The following USH2A variants were observed in gnomAD, a reference collection of about 807,000 sequenced individuals.
USH2A encodes usherin.
USH2A carries 443 observed loss-of-function variants against 538.9 expected under a neutral mutation model. That is an observed-to-expected ratio of 0.82 (90% CI 0.76 to 0.89). The LOEUF is 0.89. USH2A is among the 40% of genes least tolerant of loss of function. The pLI, the probability that USH2A is intolerant of heterozygous loss-of-function variation, is 0.00. For missense variants in USH2A, 6,633 were observed against 6,324.8 expected, an observed-to-expected ratio of 1.05 and a Z score of -1.65; for synonymous variants, 2,413 against 2,273.5, an observed-to-expected ratio of 1.06 and a Z score of -1.75.
chr1:215,688,709 T>C (rs892810213), intron 61 of USH2A, among the ~76,000 whole-genome samples: 15 of 152,282 alleles, frequency 9.9e-5, no homozygotes, highest in African/African-American at 3.4e-4. Flanking sequence ...CTGGTGTCTC[T>C]TCTTCTTATA....
chr1:215,797,749 A>T (rs967321266), intron 50 of USH2A, among the ~76,000 whole-genome samples: 2 of 152,176 alleles, frequency 1.3e-5, no homozygotes, highest in Non-Finnish European at 2.9e-5. Flanking sequence ...CTGACAATTC[A>T]TCTGGTCACT....
intron 13 of USH2A, among the ~76,000 whole-genome samples, chr1:216,242,950 T>C (rs913065879): frequency 1.3e-5 from 2 of 152,192 alleles, no homozygotes; most frequent in Admixed American, 1.3e-4. Context: ...GTTCTCTGAT[T>C]AAATTAAGAA....
chr1:215,998,237 T>A (rs546055705), intron 34 of USH2A, among the ~76,000 whole-genome samples: 1 of 152,106 alleles, frequency 6.6e-6, no homozygotes, highest in Non-Finnish European at 1.5e-5. Context: ...AAAAAGATTA[T>A]ATTTCATCAA....
intron 58 of USH2A, among the ~76,000 whole-genome samples, chr1:215,747,952 C>T (rs1395027331): frequency 6.7e-6 from 1 of 149,678 alleles, no homozygotes; most frequent in African/African-American, 2.5e-5. Flanking sequence ...ACTGCAGTGG[C>T]GCAATCTCGG....
At chr1:215,860,431 A>G (rs1313084633) in intron 44 of USH2A, among the ~76,000 whole-genome samples, 1 of 152,210 alleles carries the variant, frequency 6.6e-6, no homozygotes, top group Non-Finnish European at 1.5e-5. Context: ...AACAAAAGAA[A>G]AAAAGTATTT....
intron 4 of USH2A, among the ~76,000 whole-genome samples, chr1:216,344,561 T>C (rs988034830): frequency 6.6e-6 from 1 of 152,068 alleles, no homozygotes; most frequent in Non-Finnish European, 1.5e-5. Flanking sequence ...AACATCTTTC[T>C]GGTGAACCAT....
intron 21 of USH2A, among the ~76,000 whole-genome samples, chr1:216,123,047 C>A (rs1345108527): frequency 6.6e-6 from 1 of 152,096 alleles, no homozygotes; most frequent in Non-Finnish European, 1.5e-5. Flanking sequence ...ACACACTGAG[C>A]TGAATATGTC....
chr1:215,867,373 A>G (rs1664503129), intron 43 of USH2A, among the ~76,000 whole-genome samples: 1 of 152,258 alleles, frequency 6.6e-6, no homozygotes, highest in Non-Finnish European at 1.5e-5. Context: ...ACTTGCCAGC[A>G]TAAACCAAAA....
intron 37 of USH2A, among the ~76,000 whole-genome samples, chr1:215,961,978 T>C (rs1274127185): frequency 6.6e-6 from 1 of 151,972 alleles, no homozygotes; most frequent in East Asian, 1.9e-4. Context: ...AAAGAACTTC[T>C]TAAACCTCTG....
chr1:215,740,344 C>T (rs1660267228), intron 60 of USH2A, among the ~76,000 whole-genome samples: 1 of 152,130 alleles, frequency 6.6e-6, no homozygotes, highest in Admixed American at 6.5e-5. Flanking sequence ...CATAGTGTAT[C>T]TCTCTCTTCC....
At chr1:216,069,534 A>C (rs1271777814) in intron 30 of USH2A, among the ~76,000 whole-genome samples, 2 of 152,286 alleles carry the variant, frequency 1.3e-5, no homozygotes, top group East Asian at 3.9e-4. Flanking sequence ...AAATGCTCTT[A>C]ATACACACGC....
Position 216,130,972 on chromosome 1 carries a change from TA to T in USH2A, c.4628-33760del, listed in dbSNP as rs372110519. 1.5e-4 allele frequency among the ~76,000 whole-genome samples: 23 copies of T among 152,054 alleles called. 1 individual carries two copies. The East Asian group carries it at 3.3e-3, about 22-fold the overall frequency. On this transcript the variant is annotated intron_variant, in intron 21 of 71. Transcript: ENST00000307340. ...TCACCTCATCGACTTCAACATCTAT[TA>T]TTTTTTTATTTTTTTGATTATGGCC...
intron 16 of USH2A, among the ~76,000 whole-genome samples, chr1:216,201,411 C>T (rs368494716): frequency 4.6e-5 from 7 of 151,404 alleles, no homozygotes; most frequent in South Asian, 2.1e-4. Context: ...CGGGTTCAAG[C>T]GATTCTCCTG....
At chr1:216,388,637 C>T (rs1348891406) in intron 3 of USH2A, among the ~76,000 whole-genome samples, 2 of 152,210 alleles carry the variant, frequency 1.3e-5, no homozygotes, top group Admixed American at 6.5e-5. Context: ...AAGGCATTTG[C>T]ACTGGTCCTT....
At chr1:216,179,316 T>C (rs192579435) in intron 20 of USH2A, among the ~76,000 whole-genome samples, 1 of 152,182 alleles carries the variant, frequency 6.6e-6, no homozygotes, top group East Asian at 1.9e-4. Context: ...TTTTTTTAAT[T>C]TGGCAAAGTG....
intron 44 of USH2A, among the ~76,000 whole-genome samples, chr1:215,851,044 A>G (rs1664002905): frequency 6.6e-6 from 1 of 152,212 alleles, no homozygotes; most frequent in South Asian, 2.1e-4. Flanking sequence ...TAACAAAAGC[A>G]GTGTTAAGAG....
chr1:215,782,606 C>T (rs1661674375), intron 53 of USH2A, 132 bp downstream of exon 53: 1 of 977,398 alleles, frequency 1.0e-6, no homozygotes, highest in Non-Finnish European at 1.6e-6. Context: ...CACATAATTA[C>T]AGTTCCCTTT....
At chr1:216,278,901 A>T (rs534950353) in intron 11 of USH2A, among the ~76,000 whole-genome samples, 10 of 152,198 alleles carry the variant, frequency 6.6e-5, no homozygotes, top group South Asian at 2.1e-4. Flanking sequence ...ATTCTGTTCA[A>T]ATTTTAAATG....
intron 30 of USH2A, among the ~76,000 whole-genome samples, chr1:216,052,105 C>A (rs2030806306): frequency 6.6e-6 from 1 of 152,054 alleles, no homozygotes; most frequent in East Asian, 1.9e-4. Flanking sequence ...TTAATTTTAG[C>A]CACTCCTTAT....
Sources: allele counts gnomAD v4.1 joint callset (sites outside exome capture counted in the v4.1 genomes callset), GRCh38; gene constraint gnomAD v4.1.1; transcripts MANE v1.5; gene names NCBI Gene and HGNC (gene_info 2026-07-23, HGNC 2026-07-21).